HERC2: variants seen among roughly 807,000 people sequenced by gnomAD.
The protein encoded by HERC2 is E3 ubiquitin-protein ligase HERC2.
In HERC2, 102 loss-of-function variants were observed where a neutral mutation model predicts 537.7. That is an observed-to-expected ratio of 0.19 (90% CI 0.16 to 0.22). HERC2 has a LOEUF of 0.22. Among genes scored for constraint, HERC2 ranks in the 10% least tolerant of loss-of-function variants. The pLI is 1.00. For missense variants in HERC2, 4,236 were observed against 6,198.2 expected, an observed-to-expected ratio of 0.68 and a Z score of 10.63; for synonymous variants, 2,224 against 2,466.2, an observed-to-expected ratio of 0.90 and a Z score of 2.91.
intron 83 of HERC2, among the ~76,000 whole-genome samples, chr15:28,127,752 G>A (rs909232073): frequency 9.2e-5 from 14 of 152,012 alleles, no homozygotes; most frequent in Admixed American, 2.0e-4. Flanking sequence ...CCCAGACAAC[G>A]GGGACACACA....
rs534989777 is a variant in HERC2, at chr15:28,138,168, A to G, written c.12016-2476T>C. 4.6e-5 allele frequency among the ~76,000 whole-genome samples: 7 copies of G among 152,368 alleles called. No homozygotes were observed. The South Asian group carries it at 1.4e-3, about 32-fold the overall frequency. On this transcript the variant is annotated intron_variant, in intron 78 of 92. Transcript: ENST00000261609. Reference sequence around the variant, plus strand: ...TAAGGAAAGACGCCGTCTTCATAACATAAAAGTGCAAGGGAAAGTAGCAAG... The same window carrying G: ...TAAGGAAAGACGCCGTCTTCATAACGTAAAAGTGCAAGGGAAAGTAGCAAG...
intron 2 of HERC2, among the ~76,000 whole-genome samples, chr15:28,307,290 T>C (rs2076816545): frequency 6.6e-6 from 1 of 152,262 alleles, no homozygotes; most frequent in African/African-American, 2.4e-5. Context: ...GCCTGAAGGC[T>C]TGTCAATTTA....
At chr15:28,246,099 T>C (rs895646881) in intron 22 of HERC2, 33 bp from the exon 23 acceptor site, 18 of 1,368,162 alleles carry the variant, frequency 1.3e-5, no homozygotes, top group Non-Finnish European at 1.7e-5. Context: ...TTTAAATAAG[T>C]ATTTATCCTA....
intron 44 of HERC2, among the ~76,000 whole-genome samples, chr15:28,206,610 G>A (rs113921795): frequency 0.052 from 7,822 of 151,562 alleles, 672 homozygotes; most frequent in East Asian, 0.37. Flanking sequence ...AAGGCGGGTG[G>A]ATCACAAGGT....
At chr15:28,228,942 C>T (rs1268599654) in intron 34 of HERC2, among the ~76,000 whole-genome samples, 2 of 152,200 alleles carry the variant, frequency 1.3e-5, no homozygotes, top group African/African-American at 4.8e-5. Context: ...AGGACACAGA[C>T]ACTTTAGGAT....
chr15:28,254,284 C>A, intron 20 of HERC2, 56 bp downstream of exon 20: 1 of 1,303,502 alleles, frequency 7.7e-7, no homozygotes, highest in South Asian at 1.3e-5. Flanking sequence ...CTCTGTCACA[C>A]ACACAAAAAA....
intron 50 of HERC2, 113 bp from the exon 51 acceptor site, chr15:28,196,682 A>G (rs188948864): frequency 4.7e-6 from 3 of 631,988 alleles, no homozygotes; most frequent in African/African-American, 3.7e-5. Context: ...TTTTTTACAA[A>G]GAGTCTACCT....
At chr15:28,307,641 T>C (rs1228528910) in intron 2 of HERC2, among the ~76,000 whole-genome samples, 3 of 152,258 alleles carry the variant, frequency 2.0e-5, no homozygotes, top group African/African-American at 7.2e-5. Context: ...TTCCCATGTG[T>C]TGGTGGAGTT....
intron 70 of HERC2, among the ~76,000 whole-genome samples, chr15:28,150,565 G>A (rs1485226520): frequency 2.0e-5 from 3 of 146,486 alleles, no homozygotes; most frequent in Non-Finnish European, 3.0e-5. Context: ...AAAAACACAC[G>A]CGGCTTCTAA....
intron 70 of HERC2, among the ~76,000 whole-genome samples, chr15:28,150,331 A>G (rs1329242053): frequency 2.0e-5 from 3 of 151,998 alleles, no homozygotes; most frequent in Non-Finnish European, 2.9e-5. Context: ...AATTACTGAA[A>G]AAACACGCGG....
At chr15:28,276,179 C>A (rs1407453501) in intron 5 of HERC2, among the ~76,000 whole-genome samples, 10 of 109,690 alleles carry the variant, frequency 9.1e-5, no homozygotes, top group Admixed American at 9.0e-4. Context: ...GAGCAAGACT[C>A]CATCTCAAAA....
chr15:28,144,244 G>T lies in HERC2; in HGVS notation c.11141-9C>A, dbSNP rs753235973. 1.2e-6 allele frequency: 2 copies of T among 1,613,422 alleles called. No individual in the cohort carries two copies. The highest frequency in any genetic ancestry group is 2.2e-5 in the South Asian group (2 of 91,044). On this transcript the variant is annotated splice_polypyrimidine_tract_variant and intron_variant, in intron 72 of 92. Coordinates refer to ENST00000261609, the MANE Select transcript of HERC2 (RefSeq NM_004667.6). ...GAGGAGTTCTTTAGGGCCTGTGAAT[G>T]AACACTGTAAACATCCCCGGGTTTC... is the stretch of plus-strand genomic sequence containing the variant.
chr15:28,296,226 C>G (rs1373668262), intron 3 of HERC2, among the ~76,000 whole-genome samples: 2 of 152,000 alleles, frequency 1.3e-5, no homozygotes, highest in Non-Finnish European at 2.9e-5. Context: ...CTGTAAACCC[C>G]ACACTTTGGG....
intron 2 of HERC2, among the ~76,000 whole-genome samples, chr15:28,304,693 A>C (rs2076731340): frequency 6.8e-6 from 1 of 147,854 alleles, no homozygotes; most frequent in African/African-American, 2.5e-5. Flanking sequence ...TCCTCTAGCA[A>C]GGGCTTCCAT....
At chr15:28,217,674 G>A (rs1170374698) in intron 38 of HERC2, among the ~76,000 whole-genome samples, 1 of 152,166 alleles carries the variant, frequency 6.6e-6, no homozygotes, top group Non-Finnish European at 1.5e-5. Context: ...ATTTAATGAG[G>A]TCTCTGTAGA....
Position 28,144,199 on chromosome 15 carries a change from G to A in HERC2, c.11177C>T (p.Ser3726Phe), listed in dbSNP as rs767111976. The change falls in exon 73 of 93, where the codon TCC becomes TTC. Residue 3726 changes from serine to phenylalanine, a missense_variant. By Grantham distance (155) the Ser-to-Phe change is radical. Around this residue, in one of 27 missense-constraint regions of HERC2, gnomAD observed 109 missense variants for 133.5 expected, o/e 0.82. Transcript: ENST00000261609. ...CGTCACCAAGTCCATGGATGGACAGGAGAGGACGCAGCGGTCAGAGAGGAG... is the reference window on the plus strand; with the variant it reads ...CGTCACCAAGTCCATGGATGGACAGAAGAGGACGCAGCGGTCAGAGAGGAG... ...KELLSDRCVLSCPSMDLVTCL... is the reference protein window; with the variant it reads ...KELLSDRCVLFCPSMDLVTCL... 8.7e-6 allele frequency: 14 copies of A among 1,614,210 alleles called. No homozygotes were observed. Among genetic ancestry groups the A allele is most frequent in the African/African-American group, 1.3e-5 (1 of 75,072 alleles).
In HERC2 at chr15:28,231,354, C is replaced by G. The variant is rs549796900; in HGVS notation, c.4676-854G>C. On this transcript the variant is annotated intron_variant, in intron 30 of 92. Transcript: ENST00000261609. ...CTGCCTGAGAAGTTTTTTGGTATAC[C>G]TGACACCCAGGACCTTGTGGCAGTG... is the stretch of plus-strand genomic sequence containing the variant. Among the ~76,000 whole-genome samples the G allele has an allele frequency of 2.6e-5, 4 of 152,162 alleles. No individual in the cohort carries two copies. The South Asian group carries it at 8.3e-4, about 32-fold the overall frequency.
chr15:28,130,209 G>A lies in HERC2; in HGVS notation c.12756C>T (p.Ile4252=), dbSNP rs764162299. 7.4e-6 allele frequency: 12 copies of A among 1,614,054 alleles called. No individual in the cohort carries two copies. The highest frequency in any genetic ancestry group is 6.7e-5 in the African/African-American group (5 of 74,926). Residue 4252 remains isoleucine (I), a synonymous_variant, in exon 83 of 93, where the codon ATC becomes ATT. Transcript: ENST00000261609. ...QVQGLQGKKV[I]AIATGSLHCV... The stretch of plus-strand genomic sequence containing the variant: ...AGTGCAGGGAGCCAGTGGCGATGGC[G>A]ATGACTTTCTTCCCCTGCAACCCTT...
intron 4 of HERC2, among the ~76,000 whole-genome samples, chr15:28,282,434 T>C (rs762149132): frequency 7.9e-5 from 12 of 151,254 alleles, no homozygotes; most frequent in Non-Finnish European, 1.5e-4. Context: ...TACAAACACA[T>C]GTGAAATAAA....
Sources: allele counts gnomAD v4.1 joint callset (sites outside exome capture counted in the v4.1 genomes callset), GRCh38; gene constraint gnomAD v4.1.1; regional missense constraint gnomAD v4.1.1; transcripts MANE v1.5; gene names NCBI Gene and HGNC (gene_info 2026-07-23, HGNC 2026-07-21).